Variants in SMAD1 observed in about 807,000 individuals in gnomAD.
SMAD1 encodes the protein MAD, mothers against decapentaplegic homolog 1.
SMAD1 carries 6 observed loss-of-function variants against 41.6 expected under a neutral mutation model. That is an observed-to-expected ratio of 0.14 (90% confidence interval 0.08 to 0.28). SMAD1 has a LOEUF of 0.28. Ranked by LOEUF, SMAD1 falls within the 10% of genes least tolerant of loss-of-function variation. The probability of loss-of-function intolerance (pLI) is 1.00; values close to 1 mark genes in which losing one functional copy is unlikely to be tolerated. For missense variants in SMAD1, 379 were observed against 582.6 expected (o/e 0.65, Z 3.60); for synonymous variants, 206 against 203.2 (o/e 1.01, Z -0.12).
At chr4:145,500,172 C>T (rs922557198) in intron 1 of SMAD1, among the ~76,000 whole-genome samples, 1 of 152,152 alleles carries the variant, frequency 6.6e-6, no homozygotes, top group African/African-American at 2.4e-5. Context: ...TCTCCCTACC[C>T]ACCACTCCCT....
At chr4:145,500,924 T>A (rs1219658945) in intron 1 of SMAD1, among the ~76,000 whole-genome samples, 1 of 152,234 alleles carries the variant, frequency 6.6e-6, no homozygotes, top group East Asian at 1.9e-4. Flanking sequence ...GATTGGGTGA[T>A]GGTATCACAA....
intron 1 of SMAD1, among the ~76,000 whole-genome samples, chr4:145,492,702 A>C (rs1311240460): frequency 6.6e-6 from 1 of 152,156 alleles, no homozygotes; most frequent in African/African-American, 2.4e-5. Context: ...GAAAGTCTCA[A>C]TCCTCTAATC....
rs1321767479 is a variant in SMAD1, at chr4:145,514,655, G to A, written c.42G>A (p.Val14=). ...TATTTTCCTTTACAAGTCCAGCTGT[G>A]AAGAGACTTCTTGGGTGGAAACAGG... is the stretch of plus-strand genomic sequence containing the variant. ...TSLFSFTSPA[V]KRLLGWKQGD... The change falls in exon 2 of 7, where the codon GTG becomes GTA. Residue 14 remains valine, a synonymous_variant. Coordinates refer to ENST00000302085, the MANE Select transcript of SMAD1 (RefSeq NM_005900.3). The surrounding 1 kb of genome is among the most constrained non-coding windows in gnomAD (Gnocchi z 4.7). 2.5e-6 allele frequency: 4 copies of A among 1,613,282 alleles called. No individual in the cohort carries two copies. The highest frequency in any genetic ancestry group is 2.7e-5 in the African/African-American group (2 of 74,846).
intron 2 of SMAD1, among the ~76,000 whole-genome samples, chr4:145,531,974 A>G (rs1254728367): frequency 4.6e-5 from 7 of 152,188 alleles, no homozygotes; most frequent in Admixed American, 4.6e-4. Flanking sequence ...TTACTAGACT[A>G]CTTTACCACT....
At chr4:145,554,294 G>A (rs1381045621) in intron 6 of SMAD1, among the ~76,000 whole-genome samples, 7 of 151,754 alleles carry the variant, frequency 4.6e-5, no homozygotes, top group African/African-American at 1.2e-4. Context: ...AGATAGCACC[G>A]CTTTAGCTAT....
intron 5 of SMAD1, 82 bp downstream of exon 5, chr4:145,547,006 A>G: frequency 2.7e-6 from 3 of 1,105,308 alleles, no homozygotes; most frequent in Non-Finnish European, 4.2e-6. Context: ...TCATTCCTGT[A>G]ACAAACTGTT....
intron 2 of SMAD1, among the ~76,000 whole-genome samples, chr4:145,530,734 GC>G (rs1165703061): frequency 6.6e-6 from 1 of 151,028 alleles, no homozygotes; most frequent in Non-Finnish European, 1.5e-5. Flanking sequence ...AAAAGATCTT[GC>G]CCCCAAAAAA....
At chr4:145,538,209 T>G (rs1249661407) in intron 2 of SMAD1, among the ~76,000 whole-genome samples, 14 of 152,224 alleles carry the variant, frequency 9.2e-5, no homozygotes, top group Admixed American at 7.9e-4. Flanking sequence ...TGGACTGTTT[T>G]GGAATATAAA....
chr4:145,507,159 G>A (rs1038570329), intron 1 of SMAD1, among the ~76,000 whole-genome samples: 19 of 148,616 alleles, frequency 1.3e-4, no homozygotes, highest in Admixed American at 4.7e-4. Context: ...TTGAGATAAT[G>A]AATTGATTTT....
chr4:145,502,951 T>TG lies in SMAD1; in HGVS notation c.-176-11486dup, dbSNP rs1277591441. On this transcript the variant is annotated intron_variant, in intron 1 of 6. Transcript: ENST00000302085. ...GTTATACTGGAGAGACTGGAAGACT[T>TG]GCTGTCAGTGTCTGCGCTTTAAACG... The TG allele has an allele frequency of 5.3e-5, 8 of 152,356 alleles. No homozygotes were observed. The East Asian group carries it at 1.5e-3, about 29-fold the overall frequency. The allele number at this position is 152,356 out of a possible 1,614,324, so 9.4% of individuals were successfully genotyped here.
intron 1 of SMAD1, among the ~76,000 whole-genome samples, chr4:145,498,922 G>A (rs1389645606): frequency 1.3e-5 from 2 of 152,160 alleles, no homozygotes; most frequent in Non-Finnish European, 2.9e-5. Context: ...CTTTGTGTGT[G>A]TTCATCTGAG....
chr4:145,497,347 A>G (rs1729141380), intron 1 of SMAD1: 1 of 152,196 alleles, frequency 6.6e-6, no homozygotes, highest in African/African-American at 2.4e-5. Flanking sequence ...GTCTGCACGT[A>G]TGTTTCTCCT....
intron 1 of SMAD1, among the ~76,000 whole-genome samples, chr4:145,483,456 T>G (rs1728307583): frequency 6.6e-6 from 1 of 152,326 alleles, no homozygotes; most frequent in Non-Finnish European, 1.5e-5. Context: ...GTAATTACTT[T>G]AAATTGTATT....
At chr4:145,485,741 C>G (rs17020202) in intron 1 of SMAD1, among the ~76,000 whole-genome samples, 9,940 of 152,262 alleles carry the variant, frequency 0.065, 350 homozygotes, top group South Asian at 0.14. Context: ...TTAGTGTCAT[C>G]GATTCTAATT....
In SMAD1 at chr4:145,519,014, ATTTC is replaced by A. The variant is rs562570529; in HGVS notation, c.400+4009_400+4012del. Among the ~76,000 whole-genome samples the A allele has an allele frequency of 4.3e-4, 38 of 88,262 alleles. 1 individual carries two copies. Among genetic ancestry groups the A allele is most frequent in the African/African-American group, 1.1e-3 (31 of 28,064 alleles). The allele number at this position is 88,262 out of a possible 152,430, so 57.9% of individuals were successfully genotyped here. On this transcript the variant is annotated intron_variant, in intron 2 of 6. Transcript: ENST00000302085. ...TGTCACCTCCCATGTGTATTTGCTT[ATTTC>A]TTTCTTTTTCTTTTTTTCTCTTTTT...
In SMAD1 at chr4:145,543,117, C is replaced by T. The variant is rs187187438; in HGVS notation, c.775+419C>T. Among the ~76,000 whole-genome samples, 3 of 152,236 alleles carry T rather than the reference C, an allele frequency of 2.0e-5. No homozygotes were observed. The East Asian group carries it at 5.8e-4, about 29-fold the overall frequency. On this transcript the variant is annotated intron_variant, in intron 4 of 6. Transcript: ENST00000302085. ...GAGTAGCTGGGATTACAGGTGCACA[C>T]CATCACGCCCGACTAATTTTTGTAT...
In SMAD1 at chr4:145,486,101, C is replaced by A. The variant is rs146918283; in HGVS notation, c.-177+4063C>A. On this transcript the variant is annotated intron_variant, in intron 1 of 6. Transcript: ENST00000302085. The stretch of plus-strand genomic sequence containing the variant: ...CTTTACTATGCCAGTATAGACATGA[C>A]TTGGCTTGTGTATTTTGTAGGTCTT... 4.4e-3 allele frequency among the ~76,000 whole-genome samples: 669 copies of A among 152,270 alleles called. 21 individuals carry two copies. The highest frequency in any genetic ancestry group is 0.037 in the Admixed American group (565 of 15,300).
chr4:145,509,631 C>G (rs1560735590), intron 1 of SMAD1, among the ~76,000 whole-genome samples: 1 of 152,078 alleles, frequency 6.6e-6, no homozygotes, highest in East Asian at 1.9e-4. Context: ...GAAATACACT[C>G]CCTCTATAAA....
intron 2 of SMAD1, among the ~76,000 whole-genome samples, chr4:145,535,112 A>C (rs150399747): frequency 1.3e-5 from 2 of 152,306 alleles, no homozygotes; most frequent in Non-Finnish European, 2.9e-5. Context: ...AAGATGATCA[A>C]CTTTCACTAT....
Sources: gnomAD v4.1 joint callset for allele counts (sites outside exome capture counted in the v4.1 genomes callset) on GRCh38, gnomAD v4.1.1 for gene constraint, Gnocchi (gnomAD v3.1) non-coding constraint, MANE v1.5 for transcripts, NCBI Gene and HGNC (gene_info 2026-07-23, HGNC 2026-07-21) for gene names.